The following METTL6 variants were observed in gnomAD, a reference collection of about 807,000 sequenced individuals.
METTL6 encodes tRNA N(3)-cytidine methyltransferase METTL6.
In METTL6, 22 loss-of-function variants were observed where a neutral mutation model predicts 26.4. The ratio of observed to expected loss-of-function variants is 0.83; its 90% CI spans 0.59 to 1.19. The LOEUF (loss-of-function observed/expected upper bound fraction) is 1.19. METTL6 is among the 50% of genes most tolerant of loss of function. The pLI, the probability that METTL6 is intolerant of heterozygous loss-of-function variation, is 0.00. For synonymous variants in METTL6, 109 were observed against 116.2 expected, an observed-to-expected ratio of 0.94 and a Z score of 0.40; for missense variants, 304 against 324.8, an observed-to-expected ratio of 0.94 and a Z score of 0.49.
intron 3 of METTL6, among the ~76,000 whole-genome samples, chr3:15,423,365 T>C (rs1195402333): frequency 1.3e-5 from 2 of 152,050 alleles, no homozygotes; most frequent in Non-Finnish European, 2.9e-5. Flanking sequence ...TGCACTCCAG[T>C]CTAGGCGACA....
chr3:15,412,575 T>C (rs1700016208), intron 5 of METTL6, among the ~76,000 whole-genome samples: 2 of 152,050 alleles, frequency 1.3e-5, no homozygotes, highest in African/African-American at 4.8e-5. Context: ...GCCTCCATCT[T>C]CTGGGGCCAA....
At chr3:15,414,339 C>A in intron 4 of METTL6, 177 bp from the exon 5 acceptor site, 1 of 1,388,730 alleles carries the variant, frequency 7.2e-7, no homozygotes. Context: ...GGCAGGGCTC[C>A]ATAACACTAA....
rs1699455959 is a variant in METTL6 at position 15,395,262 on chromosome 3, T to C, written c.*12-11075A>G. Among the ~76,000 whole-genome samples the C allele has an allele frequency of 2.6e-5, 4 of 152,340 alleles. No individual in the cohort carries two copies. The South Asian group carries it at 8.3e-4, about 32-fold the overall frequency. The stretch of plus-strand genomic sequence containing the variant: ...CCTTTACCATTATGTAATGGCCTTC[T>C]TTGTCTCTTTTGATCTTTGTTGGTT... On this transcript the variant is annotated intron_variant, in intron 6 of 6. Coordinates refer to the METTL6 transcript ENST00000443029.
chr3:15,411,522 G>C, intron 5 of METTL6, 85 bp from the exon 6 acceptor site: 1 of 1,304,584 alleles, frequency 7.7e-7, no homozygotes, highest in Non-Finnish European at 1.0e-6. Context: ...AGAGGGCTGA[G>C]GCTATTTTAA....
chr3:15,399,554 G>GTGTGTA (rs1198615180), intron 6 of METTL6: 1 of 149,816 alleles, frequency 6.7e-6, no homozygotes, highest in African/African-American at 2.5e-5. Flanking sequence ...TTGTGTGTGT[G>GTGTGTA]TGTGTGTGTG....
chr3:15,411,904 AG>A (rs1383946077), intron 5 of METTL6, among the ~76,000 whole-genome samples: 1 of 152,098 alleles, frequency 6.6e-6, no homozygotes, highest in Non-Finnish European at 1.5e-5. Flanking sequence ...CTGGGACTAC[AG>A]GCACACACTA....
At chr3:15,418,616 T>C (rs746032465) in intron 3 of METTL6, among the ~76,000 whole-genome samples, 4 of 152,012 alleles carry the variant, frequency 2.6e-5, no homozygotes, top group Non-Finnish European at 5.9e-5. Flanking sequence ...GAACAAGAGC[T>C]AAAGAAAGAA....
Position 15,425,016 on chromosome 3 carries a change from T to C in METTL6, c.299A>G (p.Glu100Gly), listed in dbSNP as rs763446252. Residue 100 changes from glutamate (E) to glycine (G), a missense_variant, in exon 3 of 6, where the codon GAA becomes GGA. By Grantham distance (98) the Glu-to-Gly change is moderately conservative (BLOSUM62 -2). Coordinates refer to ENST00000383790, the MANE Select transcript of METTL6 (RefSeq NM_152396.4). ...VGNCLFPLLEEDPNIFAYACD... is the reference protein window; with the variant it reads ...VGNCLFPLLEGDPNIFAYACD... ...GGCATAGGCAAAGATATTCGGATCT[T>C]CTTCTAAAAGTGGGAATAAACAGTT... The C allele has an allele frequency of 1.2e-6, 2 of 1,614,066 alleles. No individual in the cohort carries two copies. Among genetic ancestry groups the C allele is most frequent in the Non-Finnish European group, 1.7e-6 (2 of 1,180,034 alleles).
chr3:15,415,682 G>A, intron 4 of METTL6, 90 bp downstream of exon 4: 1 of 1,596,870 alleles, frequency 6.3e-7, no homozygotes, highest in South Asian at 1.1e-5. Context: ...GAGACTATGT[G>A]AATCTAGACA....
chr3:15,421,944 T>C (rs1049563437), intron 3 of METTL6, among the ~76,000 whole-genome samples: 1 of 152,116 alleles, frequency 6.6e-6, no homozygotes, highest in African/African-American at 2.4e-5. Flanking sequence ...TAATTTTTTT[T>C]TGTAGAGACA....
chr3:15,415,562 G>C, intron 4 of METTL6: 1 of 1,601,952 alleles, frequency 6.2e-7, no homozygotes, highest in East Asian at 2.2e-5. Context: ...GGCTGGCGAA[G>C]CTCTGAAGAG....
intron 3 of METTL6, among the ~76,000 whole-genome samples, chr3:15,419,322 A>G (rs2061558483): frequency 6.6e-6 from 1 of 152,252 alleles, no homozygotes; most frequent in South Asian, 2.1e-4. Flanking sequence ...GGCAGAGGTT[A>G]TGAATGGACA....
At chr3:15,388,278 T>C (rs1699251916) in intron 6 of METTL6, among the ~76,000 whole-genome samples, 1 of 151,980 alleles carries the variant, frequency 6.6e-6, no homozygotes, top group Non-Finnish European at 1.5e-5. Flanking sequence ...GCCCAGCAAA[T>C]TTTTGTATTT....
rs376707784 is a variant in METTL6 at position 15,411,251 on chromosome 3, A to C, written c.*5T>G. 18 of 1,603,952 alleles carry C rather than the reference A, an allele frequency of 1.1e-5. No individual in the cohort carries two copies. The African/African-American group carries it at 2.4e-4, about 22-fold the overall frequency. ...GGAAGGTATAAATGCCAACCTCATG[A>C]AAGGTCAGGACTTAGGATCCAGGCC... On this transcript the variant is annotated 3_prime_UTR_variant, in exon 6 of 6. Coordinates refer to ENST00000383790, the MANE Select transcript of METTL6 (RefSeq NM_152396.4).
At chr3:15,385,895 T>C (rs1457648900) in intron 6 of METTL6, among the ~76,000 whole-genome samples, 1 of 152,176 alleles carries the variant, frequency 6.6e-6, no homozygotes, top group African/African-American at 2.4e-5. Flanking sequence ...AGAATTGTAG[T>C]GTTACCAGAA....
intron 6 of METTL6, among the ~76,000 whole-genome samples, chr3:15,393,539 T>C (rs961391366): frequency 2.0e-5 from 3 of 152,198 alleles, no homozygotes; most frequent in African/African-American, 7.2e-5. Context: ...CTATGTTGAA[T>C]AGGAGTGGTG....
exon 7 of METTL6, chr3:15,383,390 A>G (rs1035715638): frequency 6.7e-6 from 1 of 149,848 alleles, no homozygotes; most frequent in Non-Finnish European, 1.5e-5. Context: ...TTTAAATTAC[A>G]CATTTATTTT....
intron 3 of METTL6, among the ~76,000 whole-genome samples, chr3:15,422,198 C>T (rs567281368): frequency 7.9e-5 from 12 of 151,986 alleles, no homozygotes; most frequent in Non-Finnish European, 1.5e-4. Context: ...TGGTGGTGTG[C>T]ATCTGTAACC....
chr3:15,401,525 C>A, intron 6 of METTL6, among the ~76,000 whole-genome samples: 2 of 122,328 alleles, frequency 1.6e-5, no homozygotes. Context: ...TACAGTGAGC[C>A]ATGTTCACGC....
Sources: gnomAD v4.1 joint callset for allele counts (sites outside exome capture counted in the v4.1 genomes callset) on GRCh38, gnomAD v4.1.1 for gene constraint, MANE v1.5 for transcripts, NCBI Gene and HGNC (gene_info 2026-07-23, HGNC 2026-07-21) for gene names.